The following PDSS2 variants were observed in gnomAD, a reference collection of about 807,000 sequenced individuals.
The protein encoded by PDSS2 is decaprenyl diphosphate synthase subunit 2.
In PDSS2, 31 loss-of-function variants were observed where a neutral mutation model predicts 44.5. The observed-to-expected ratio is 0.70, with a 90% CI of 0.52 to 0.94. PDSS2 has a LOEUF of 0.94. Among genes scored for constraint, PDSS2 ranks in the 40% least tolerant of loss-of-function variants. PDSS2 has a pLI of 0.00. For synonymous variants in PDSS2, 157 were observed against 180.3 expected, an observed-to-expected ratio of 0.87 and a Z score of 1.03; for missense variants, 452 against 482.2, an observed-to-expected ratio of 0.94 and a Z score of 0.59.
At chr6:107,446,476 C>G (rs1211425748) in intron 1 of PDSS2, among the ~76,000 whole-genome samples, 1 of 152,168 alleles carries the variant, frequency 6.6e-6, no homozygotes, top group African/African-American at 2.4e-5. Flanking sequence ...AGACCTTATT[C>G]CATTTTCAGC....
At chr6:107,350,573 AGG>A (rs1380554987) in intron 1 of PDSS2, among the ~76,000 whole-genome samples, 2 of 152,184 alleles carry the variant, frequency 1.3e-5, no homozygotes, top group Non-Finnish European at 2.9e-5. Flanking sequence ...GCACTTTGGG[AGG>A]CTGAGGGAGA....
chr6:107,394,130 C>T (rs1228739872), intron 1 of PDSS2, among the ~76,000 whole-genome samples: 5 of 152,016 alleles, frequency 3.3e-5, no homozygotes, highest in Non-Finnish European at 2.9e-5. Flanking sequence ...TTCCTCGTTT[C>T]CTGCCTTCTT....
At position 107,223,961 on chromosome 6, in the gene PDSS2, C is replaced by A. The variant is rs892437097; in HGVS notation, c.703-11679G>T. ...GCGAGCATTACTGCCTGAGCTCCAC[C>A]TCCTGTCAGATCAGCATGGGCATTA... On this transcript the variant is annotated intron_variant, in intron 4 of 7. Coordinates refer to ENST00000369037, the MANE Select transcript of PDSS2 (RefSeq NM_020381.4). Among the ~76,000 whole-genome samples, 3 of 151,332 alleles carry A rather than the reference C, an allele frequency of 2.0e-5. No individual in the cohort carries two copies. In the South Asian group the frequency reaches 6.2e-4, roughly 31 times the overall value.
intron 1 of PDSS2, among the ~76,000 whole-genome samples, chr6:107,370,052 C>G (rs1416488640): frequency 1.3e-5 from 2 of 150,474 alleles, no homozygotes; most frequent in African/African-American, 2.4e-5. Flanking sequence ...CCATGAGAAA[C>G]AGTTTTCCCA....
chr6:107,286,762 T>C (rs1582894349), intron 2 of PDSS2, among the ~76,000 whole-genome samples: 1 of 151,232 alleles, frequency 6.6e-6, no homozygotes, highest in Non-Finnish European at 1.5e-5. Context: ...TAGAAAAGAG[T>C]GGCCAGGTGC....
intron 2 of PDSS2, among the ~76,000 whole-genome samples, chr6:107,301,301 C>T (rs996077818): frequency 1.3e-5 from 2 of 152,068 alleles, no homozygotes; most frequent in African/African-American, 2.4e-5. Flanking sequence ...AAGAATTGCC[C>T]GGTGTGTGCA....
At chr6:107,211,550 T>C (rs1484174586) in intron 5 of PDSS2, among the ~76,000 whole-genome samples, 1 of 151,868 alleles carries the variant, frequency 6.6e-6, no homozygotes, top group African/African-American at 2.4e-5. Context: ...ACCAACATGG[T>C]GAAACCTCGT....
At chr6:107,187,775 T>C (rs557085538) in intron 7 of PDSS2, among the ~76,000 whole-genome samples, 1 of 152,108 alleles carries the variant, frequency 6.6e-6, no homozygotes. Flanking sequence ...GTAATACTCA[T>C]GCACACATGT....
intron 1 of PDSS2, among the ~76,000 whole-genome samples, chr6:107,398,367 C>CA (rs1323295190): frequency 2.6e-5 from 4 of 151,860 alleles, no homozygotes; most frequent in Admixed American, 1.3e-4. Flanking sequence ...ATCCTTTTTC[C>CA]AAAAAATGTT....
intron 1 of PDSS2, among the ~76,000 whole-genome samples, chr6:107,450,410 TGA>T (rs1781828570): frequency 1.3e-5 from 2 of 152,038 alleles, no homozygotes; most frequent in South Asian, 4.1e-4. Flanking sequence ...AATTCCAACA[TGA>T]GAGAGAAAAA....
At chr6:107,201,354 A>G (rs532063437) in intron 6 of PDSS2, among the ~76,000 whole-genome samples, 2 of 146,236 alleles carry the variant, frequency 1.4e-5, no homozygotes, top group African/African-American at 5.0e-5. Flanking sequence ...TCGGACAGCT[A>G]TAGTGAACAC....
chr6:107,222,264 C>T (rs150740285), intron 4 of PDSS2, among the ~76,000 whole-genome samples: 10 of 152,200 alleles, frequency 6.6e-5, no homozygotes, highest in African/African-American at 2.4e-4. Flanking sequence ...GAAAAGAATG[C>T]AATCTAATAT....
At chr6:107,154,905 C>T (rs1189473757) in intron 7 of PDSS2, 128 bp from the exon 8 acceptor site, 18 of 850,682 alleles carry the variant, frequency 2.1e-5, no homozygotes, top group South Asian at 1.6e-4. Flanking sequence ...ATTTCTGCTA[C>T]GTTATTTTCT....
At chr6:107,293,047 A>G (rs1387763490) in intron 2 of PDSS2, among the ~76,000 whole-genome samples, 1 of 152,236 alleles carries the variant, frequency 6.6e-6, no homozygotes, top group African/African-American at 2.4e-5. Flanking sequence ...CAGCTGATCA[A>G]CATTAAACAG....
intron 6 of PDSS2, among the ~76,000 whole-genome samples, chr6:107,202,852 A>C (rs970640866): frequency 2.0e-5 from 3 of 151,874 alleles, no homozygotes; most frequent in Non-Finnish European, 2.9e-5. Flanking sequence ...ATGGTGTCCA[A>C]TTTTAGAAAG....
At chr6:107,285,029 C>A (rs1172187921) in intron 2 of PDSS2, among the ~76,000 whole-genome samples, 2 of 152,218 alleles carry the variant, frequency 1.3e-5, no homozygotes, top group Admixed American at 6.5e-5. Flanking sequence ...AGCTAGTTAA[C>A]TGCAAAGCTG....
intron 4 of PDSS2, among the ~76,000 whole-genome samples, chr6:107,227,671 C>A (rs976811886): frequency 2.0e-5 from 3 of 151,926 alleles, no homozygotes; most frequent in African/African-American, 7.3e-5. Flanking sequence ...GGTGGTGGTA[C>A]GGAAGAGTAA....
At chr6:107,380,577 C>T (rs1779426820) in intron 1 of PDSS2, among the ~76,000 whole-genome samples, 1 of 152,148 alleles carries the variant, frequency 6.6e-6, no homozygotes, top group African/African-American at 2.4e-5. Flanking sequence ...GGGAGTAAAA[C>T]TTTCATGAAA....
intron 1 of PDSS2, among the ~76,000 whole-genome samples, chr6:107,382,094 C>A (rs1384182752): frequency 6.6e-6 from 1 of 152,164 alleles, no homozygotes; most frequent in Non-Finnish European, 1.5e-5. Context: ...CCCTTCACTG[C>A]ACTATTTTTT....
Sources: allele counts gnomAD v4.1 joint callset (sites outside exome capture counted in the v4.1 genomes callset), GRCh38; gene constraint gnomAD v4.1.1; transcripts MANE v1.5; gene names NCBI Gene and HGNC (gene_info 2026-07-23, HGNC 2026-07-21).